The following PCNX2 variants were observed in gnomAD, a reference collection of about 807,000 sequenced individuals.
PCNX2 encodes the protein pecanex-like protein 2.
PCNX2 carries 168 observed loss-of-function variants against 223.8 expected under a neutral mutation model. That is an observed-to-expected ratio of 0.75 (90% CI 0.66 to 0.85). The LOEUF (loss-of-function observed/expected upper bound fraction) is 0.85, where lower values mean the gene tolerates loss of function less well. Ranked by LOEUF, PCNX2 falls within the 40% of genes least tolerant of loss-of-function variation. The pLI, the probability that PCNX2 is intolerant of heterozygous loss-of-function variation, is 0.00. For synonymous variants in PCNX2, 1,006 were observed against 1,052.6 expected (o/e 0.96, Z 0.86); for missense variants, 2,507 against 2,675.5 (o/e 0.94, Z 1.39).
At chr1:233,200,381 A>ATTT (rs1681001997) in intron 13 of PCNX2, 117 bp from the exon 14 acceptor site, 5 of 429,156 alleles carry the variant, frequency 1.2e-5, no homozygotes, top group South Asian at 6.2e-5. Context: ...ACTGGAGGCA[A>ATTT]TCTTTTTTTT....
At chr1:233,035,471 T>C (rs1197077789) in intron 25 of PCNX2, among the ~76,000 whole-genome samples, 1 of 152,206 alleles carries the variant, frequency 6.6e-6, no homozygotes, top group Admixed American at 6.5e-5. Flanking sequence ...TCATTAGCCA[T>C]TGCAGCATGC....
chr1:233,059,284 A>C (rs1672311998), intron 23 of PCNX2, among the ~76,000 whole-genome samples: 1 of 152,168 alleles, frequency 6.6e-6, no homozygotes, highest in South Asian at 2.1e-4. Context: ...AGCACCTGTC[A>C]AGGCTAACAT....
intron 5 of PCNX2, among the ~76,000 whole-genome samples, chr1:233,257,350 GAGTA>G: frequency 6.6e-6 from 1 of 152,230 alleles, no homozygotes; most frequent in African/African-American, 2.4e-5. Context: ...GTTATATAAG[GAGTA>G]AGTGAGTTAA....
At chr1:233,175,196 G>C (rs1182889797) in intron 17 of PCNX2, among the ~76,000 whole-genome samples, 1 of 152,022 alleles carries the variant, frequency 6.6e-6, no homozygotes, top group Non-Finnish European at 1.5e-5. Flanking sequence ...TGTCACAGAA[G>C]GTATTATATC....
At chr1:233,314,017 C>T in the PCNX2 span, among the ~76,000 whole-genome samples, 1 of 152,180 alleles carries the variant, frequency 6.6e-6, no homozygotes, top group African/African-American at 2.4e-5. Context: ...ATTTAACCTA[C>T]TTGTATGCAG....
At chr1:233,064,638 G>A (rs1672525172) in intron 23 of PCNX2, among the ~76,000 whole-genome samples, 1 of 152,068 alleles carries the variant, frequency 6.6e-6, no homozygotes, top group Admixed American at 6.5e-5. Flanking sequence ...ATTCTTCCCA[G>A]GCAGTGATAG....
At chr1:233,311,769 G>A in the PCNX2 span, among the ~76,000 whole-genome samples, 1 of 152,140 alleles carries the variant, frequency 6.6e-6, no homozygotes, top group Admixed American at 6.5e-5. Context: ...AGGGAAGACA[G>A]ATGGAATGTA....
chr1:233,157,051 C>T (rs1558291593), intron 19 of PCNX2, among the ~76,000 whole-genome samples: 1 of 152,166 alleles, frequency 6.6e-6, no homozygotes, highest in Non-Finnish European at 1.5e-5. Context: ...TGAGAAGCCA[C>T]AAGAATGCCT....
intron 19 of PCNX2, among the ~76,000 whole-genome samples, chr1:233,141,598 G>A (rs6663208): frequency 0.12 from 18,704 of 152,132 alleles, 1,453 homozygotes; most frequent in East Asian, 0.4. Context: ...CCCGGAACCC[G>A]GGAGGCAGAA....
chr1:233,295,518 C>T lies in PCNX2; in HGVS notation c.-40G>A, dbSNP rs1476129692. The T allele has an allele frequency of 1.3e-6, 2 of 1,483,074 alleles. No individual in the cohort carries two copies. The highest frequency in any genetic ancestry group is 1.8e-6 in the Non-Finnish European group (2 of 1,116,554). 91.9% of individuals were successfully genotyped at this position (1,483,074 alleles called of 1,614,324 possible). A position where few individuals can be genotyped will look rare whatever the true frequency, so the allele number is the denominator to read the frequency against. On this transcript the variant is annotated 5_prime_UTR_variant, in exon 1 of 34. Transcript: ENST00000258229. The surrounding 1 kb of genome is among the most constrained non-coding windows in gnomAD (Gnocchi z 4.1). ...GGGGCTGGTGAGCGCCCCGCTGCAC[C>T]CTGCGCGCCCCGGCCGGATCTCCAG...
chr1:233,090,949 G>A (rs983145491), intron 22 of PCNX2, among the ~76,000 whole-genome samples: 4 of 152,228 alleles, frequency 2.6e-5, no homozygotes, highest in East Asian at 3.9e-4. Flanking sequence ...GTGATTAGTC[G>A]CGAGGAGCCA....
intron 20 of PCNX2, among the ~76,000 whole-genome samples, chr1:233,136,727 G>A (rs1286854709): frequency 6.6e-6 from 1 of 152,110 alleles, no homozygotes; most frequent in East Asian, 1.9e-4. Context: ...AAAAGATGAC[G>A]TCAGGTCCAG....
intron 1 of PCNX2, 134 bp from the exon 2 acceptor site, chr1:233,263,297 T>C: frequency 1.3e-6 from 1 of 784,964 alleles, no homozygotes; most frequent in Non-Finnish European, 1.9e-6. Context: ...TTTTTTAAGT[T>C]TTCCTGGTTA....
chr1:233,220,744 G>C (rs551736146), intron 10 of PCNX2, among the ~76,000 whole-genome samples: 2 of 152,128 alleles, frequency 1.3e-5, no homozygotes, highest in South Asian at 4.2e-4. Flanking sequence ...GAAAAAATGA[G>C]GGAAAAAGAA....
At chr1:233,066,709 A>T (rs1283554528) in intron 23 of PCNX2, among the ~76,000 whole-genome samples, 14 of 152,208 alleles carry the variant, frequency 9.2e-5, no homozygotes. Context: ...GAATGGGTGG[A>T]GCCTGGTGAA....
At chr1:233,177,772 A>G (rs897015070) in intron 17 of PCNX2, 30 bp downstream of exon 17, 43 of 1,572,094 alleles carry the variant, frequency 2.7e-5, no homozygotes, top group Non-Finnish European at 3.4e-5. Context: ...AGGCCCTCCT[A>G]TGCTACATTA....
intron 1 of PCNX2, among the ~76,000 whole-genome samples, chr1:233,274,329 A>G (rs1233495155): frequency 6.6e-6 from 1 of 152,184 alleles, no homozygotes; most frequent in East Asian, 1.9e-4. Flanking sequence ...AGGACATTCA[A>G]TAGCATCCTT....
chr1:233,057,507 T>C, intron 23 of PCNX2: 2 of 504,992 alleles, frequency 4.0e-6, no homozygotes, highest in Non-Finnish European at 7.2e-6. Flanking sequence ...GAGAGATGAG[T>C]AGCTCTCTGA....
At chr1:233,165,999 T>C (rs915061292) in intron 17 of PCNX2, among the ~76,000 whole-genome samples, 1 of 152,086 alleles carries the variant, frequency 6.6e-6, no homozygotes, top group African/African-American at 2.4e-5. Flanking sequence ...ATTGATGGTA[T>C]TGGTGCAAAT....
Sources: allele counts gnomAD v4.1 joint callset (sites outside exome capture counted in the v4.1 genomes callset), GRCh38; gene constraint gnomAD v4.1.1; non-coding constraint Gnocchi (gnomAD v3.1); transcripts MANE v1.5; gene names NCBI Gene and HGNC (gene_info 2026-07-23, HGNC 2026-07-21).